TNIK: variants seen among roughly 807,000 people sequenced by gnomAD.
TNIK encodes the protein TRAF2 and NCK interacting kinase.
TNIK carries 49 observed loss-of-function variants against 191.3 expected under a neutral mutation model. That is an observed-to-expected ratio of 0.26 (90% confidence interval 0.20 to 0.32). The LOEUF (loss-of-function observed/expected upper bound fraction) is 0.32. TNIK is among the 10% of genes least tolerant of loss of function. TNIK has a pLI of 1.00. For missense variants in TNIK, 1,155 were observed against 1,702.3 expected (o/e 0.68, Z 5.66); for synonymous variants, 594 against 600.9 (o/e 0.99, Z 0.17).
At chr3:171,092,743 GC>G (rs1560097966) in intron 23 of TNIK, among the ~76,000 whole-genome samples, 1 of 152,166 alleles carries the variant, frequency 6.6e-6, no homozygotes, top group Non-Finnish European at 1.5e-5. Context: ...TATTTCAAAG[GC>G]CTTATTCATC....
chr3:171,196,589 G>GA lies in TNIK; in HGVS notation c.307-1955dup, dbSNP rs947686433. On this transcript the variant is annotated intron_variant, in intron 4 of 32. Transcript: ENST00000436636. ...TTTTCAACACATAAATTGCAAGGGA[G>GA]AAAAAAAGAGACGCAAAGAAAACTT... is the stretch of plus-strand genomic sequence containing the variant. Among the ~76,000 whole-genome samples the GA allele has an allele frequency of 4.6e-5, 7 of 151,720 alleles. No homozygotes were observed. In the East Asian group the frequency reaches 9.6e-4, roughly 21 times the overall value.
chr3:171,459,951 A>C, intron 1 of TNIK, 56 bp downstream of exon 1: 1 of 1,224,902 alleles, frequency 8.2e-7, no homozygotes, highest in Non-Finnish European at 1.1e-6. Flanking sequence ...CCACGCACCG[A>C]GCCCATTCAC....
At chr3:171,420,436 T>C (rs1723641076) in intron 1 of TNIK, among the ~76,000 whole-genome samples, 2 of 152,042 alleles carry the variant, frequency 1.3e-5, no homozygotes, top group South Asian at 2.1e-4. Context: ...CCAGTTCCAA[T>C]CCAAAACCAG....
intron 2 of TNIK, among the ~76,000 whole-genome samples, chr3:171,317,863 T>C (rs2108322527): frequency 6.6e-6 from 1 of 152,314 alleles, no homozygotes; most frequent in African/African-American, 2.4e-5. Context: ...TCCTATTCCA[T>C]GGCACTTTGA....
chr3:171,191,495 C>T (rs1402815479), intron 5 of TNIK, among the ~76,000 whole-genome samples: 4 of 152,286 alleles, frequency 2.6e-5, no homozygotes, highest in South Asian at 2.1e-4. Flanking sequence ...ACTTCGGCCT[C>T]CCAAAGTGCT....
At chr3:171,188,943 A>T in intron 6 of TNIK, 111 bp from the exon 7 acceptor site, 1 of 1,336,664 alleles carries the variant, frequency 7.5e-7, no homozygotes. Flanking sequence ...TAAAGTGTAC[A>T]ATTTTGACCA....
At chr3:171,287,989 T>C (rs938900855) in intron 2 of TNIK, among the ~76,000 whole-genome samples, 1 of 150,546 alleles carries the variant, frequency 6.6e-6, no homozygotes, top group African/African-American at 2.5e-5. Context: ...TATGCAGCCA[T>C]AAAAAATGAT....
intron 2 of TNIK, among the ~76,000 whole-genome samples, chr3:171,335,027 CAAAAAA>C (rs371457413): frequency 1.5e-4 from 17 of 114,620 alleles, no homozygotes; most frequent in African/African-American, 4.9e-4. Flanking sequence ...CCCCAACTGC[CAAAAAA>C]AAAAAAAAAA....
At chr3:171,235,612 C>T (rs1263530498) in intron 2 of TNIK, among the ~76,000 whole-genome samples, 1 of 152,052 alleles carries the variant, frequency 6.6e-6, no homozygotes, top group African/African-American at 2.4e-5. Context: ...AATAAGGACC[C>T]AGTGGTGATT....
At chr3:171,326,446 C>T (rs895340348) in intron 2 of TNIK, among the ~76,000 whole-genome samples, 1 of 148,394 alleles carries the variant, frequency 6.7e-6, no homozygotes, top group African/African-American at 2.4e-5. Context: ...TTTCCTTCTC[C>T]CACAAGAAAA....
intron 18 of TNIK, among the ~76,000 whole-genome samples, chr3:171,114,425 A>C (rs974808593): frequency 2.6e-5 from 4 of 152,210 alleles, no homozygotes; most frequent in Non-Finnish European, 5.9e-5. Context: ...CCTTTGAGAT[A>C]CTTTTAGTTT....
intron 2 of TNIK, among the ~76,000 whole-genome samples, chr3:171,255,756 CT>C (rs34094473): frequency 0.018 from 2,770 of 152,246 alleles, 40 homozygotes; most frequent in Middle Eastern, 0.031. Flanking sequence ...CCTGGAGTGC[CT>C]TTAGAGACCC....
intron 13 of TNIK, 66 bp from the exon 14 acceptor site, chr3:171,139,622 CA>C: frequency 6.6e-7 from 1 of 1,514,846 alleles, no homozygotes; most frequent in South Asian, 1.1e-5. Flanking sequence ...CCAGTAATTT[CA>C]AAGGCGACAA....
chr3:171,327,844 T>C (rs1425965684), intron 2 of TNIK, among the ~76,000 whole-genome samples: 1 of 142,126 alleles, frequency 7.0e-6, no homozygotes, highest in Admixed American at 7.8e-5. Context: ...TTGTTCTATA[T>C]TACATAGAGC....
intron 1 of TNIK, among the ~76,000 whole-genome samples, chr3:171,444,203 G>A (rs12636445): frequency 0.25 from 38,207 of 151,956 alleles, 5,489 homozygotes; most frequent in East Asian, 0.69. Context: ...TAAGAACTGT[G>A]GATTAAATAG....
intron 18 of TNIK, among the ~76,000 whole-genome samples, chr3:171,117,375 G>A (rs1253572373): frequency 3.9e-5 from 6 of 152,084 alleles, no homozygotes; most frequent in Non-Finnish European, 8.8e-5. Context: ...CTCAAATCTT[G>A]GCTCTACCAC....
chr3:171,217,860 T>C (rs2108940465), intron 3 of TNIK, among the ~76,000 whole-genome samples: 1 of 152,210 alleles, frequency 6.6e-6, no homozygotes, highest in Non-Finnish European at 1.5e-5. Flanking sequence ...GAAAATGTGA[T>C]GTAGTGTGAT....
intron 12 of TNIK, among the ~76,000 whole-genome samples, chr3:171,155,083 T>C (rs2108700184): frequency 1.3e-5 from 2 of 152,354 alleles, no homozygotes; most frequent in East Asian, 3.9e-4. Flanking sequence ...CATAGTCCTG[T>C]GTGACCAAAG....
intron 1 of TNIK, among the ~76,000 whole-genome samples, chr3:171,425,687 G>T (rs1308816449): frequency 6.6e-6 from 1 of 152,012 alleles, no homozygotes; most frequent in Non-Finnish European, 1.5e-5. Flanking sequence ...AGTTAGCCAG[G>T]CATGGTGGCA....
Sources: gnomAD v4.1 joint callset for allele counts (sites outside exome capture counted in the v4.1 genomes callset) on GRCh38, gnomAD v4.1.1 for gene constraint, MANE v1.5 for transcripts, NCBI Gene and HGNC (gene_info 2026-07-23, HGNC 2026-07-21) for gene names.